GPC5: variants seen among roughly 807,000 people sequenced by gnomAD.
The protein encoded by GPC5 is glypican-5.
GPC5 carries 47 observed loss-of-function variants against 53.9 expected under a neutral mutation model. The ratio of observed to expected loss-of-function variants is 0.87; its 90% CI spans 0.69 to 1.11. GPC5 has a LOEUF of 1.11. Among genes scored for constraint, GPC5 ranks in the 50% most tolerant of loss-of-function variants. GPC5 has a pLI of 0.00. For synonymous variants in GPC5, 286 were observed against 263.3 expected (o/e 1.09, Z -0.84); for missense variants, 748 against 713.1 (o/e 1.05, Z -0.56).
chr13:92,177,173 G>A (rs2042114645), intron 7 of GPC5, among the ~76,000 whole-genome samples: 2 of 152,148 alleles, frequency 1.3e-5, no homozygotes, highest in Admixed American at 1.3e-4. Flanking sequence ...AAAACCACAA[G>A]CTTTCTGGCT....
chr13:91,498,582 G>C (rs147100375), intron 2 of GPC5, among the ~76,000 whole-genome samples: 2 of 152,224 alleles, frequency 1.3e-5, no homozygotes, highest in Non-Finnish European at 1.5e-5. Flanking sequence ...TGGGGAATCT[G>C]GGAGATCATC....
At chr13:92,631,164 ATAAT>A (rs1885222432) in intron 7 of GPC5, among the ~76,000 whole-genome samples, 1 of 152,166 alleles carries the variant, frequency 6.6e-6, no homozygotes, top group South Asian at 2.1e-4. Context: ...AATCGTTGAG[ATAAT>A]TAAATGAGAA....
chr13:92,265,746 C>T (rs1047228759), intron 7 of GPC5, among the ~76,000 whole-genome samples: 1 of 152,170 alleles, frequency 6.6e-6, no homozygotes, highest in African/African-American at 2.4e-5. Context: ...TTTGTTATAG[C>T]AGCGCCCCAC....
chr13:92,471,481 T>C (rs1170688793), intron 7 of GPC5, among the ~76,000 whole-genome samples: 7 of 152,006 alleles, frequency 4.6e-5, no homozygotes, highest in Non-Finnish European at 7.4e-5. Flanking sequence ...TATTTATAGG[T>C]AAGCCATCCA....
intron 1 of GPC5, among the ~76,000 whole-genome samples, chr13:91,399,579 C>A (rs1204930145): frequency 6.6e-6 from 1 of 152,178 alleles, no homozygotes; most frequent in African/African-American, 2.4e-5. Flanking sequence ...CCGGGGATTT[C>A]GGTTTACTGC....
intron 7 of GPC5, among the ~76,000 whole-genome samples, chr13:92,262,757 A>G (rs1159860372): frequency 6.6e-6 from 1 of 152,214 alleles, no homozygotes; most frequent in East Asian, 1.9e-4. Context: ...CACACAATAT[A>G]TAACTTCAAG....
At chr13:92,243,419 G>C (rs1396629023) in intron 7 of GPC5, among the ~76,000 whole-genome samples, 1 of 152,090 alleles carries the variant, frequency 6.6e-6, no homozygotes, top group East Asian at 1.9e-4. Context: ...GAAATAACAG[G>C]ACCAATTGGG....
chr13:91,734,590 G>A (rs1278405049), intron 4 of GPC5, among the ~76,000 whole-genome samples: 3 of 151,418 alleles, frequency 2.0e-5, no homozygotes, highest in Non-Finnish European at 4.4e-5. Flanking sequence ...TGTAGGGAAT[G>A]GATGGAGGAA....
intron 5 of GPC5, among the ~76,000 whole-genome samples, chr13:91,887,420 G>A (rs2039336246): frequency 6.6e-6 from 1 of 152,150 alleles, no homozygotes; most frequent in East Asian, 1.9e-4. Context: ...AACATGTCCT[G>A]GAGACATTTT....
At chr13:92,213,907 T>G (rs1028924966) in intron 7 of GPC5, among the ~76,000 whole-genome samples, 2 of 152,228 alleles carry the variant, frequency 1.3e-5, no homozygotes, top group African/African-American at 4.8e-5. Context: ...TAACCCACTA[T>G]TGTTATTGAG....
intron 2 of GPC5, among the ~76,000 whole-genome samples, chr13:91,538,986 A>C (rs1052225929): frequency 6.6e-6 from 1 of 152,170 alleles, no homozygotes; most frequent in African/African-American, 2.4e-5. Context: ...AATCATTAAA[A>C]ATACTAACAT....
chr13:92,063,293 T>C (rs1288816945), intron 6 of GPC5, among the ~76,000 whole-genome samples: 13 of 152,130 alleles, frequency 8.5e-5, no homozygotes, highest in African/African-American at 2.9e-4. Context: ...TACATCATTA[T>C]TAATAATCAT....
chr13:92,234,372 C>T, intron 7 of GPC5, among the ~76,000 whole-genome samples: 1 of 152,142 alleles, frequency 6.6e-6, no homozygotes, highest in South Asian at 2.1e-4. Flanking sequence ...GAGATGGTAT[C>T]TCATTGTGGT....
rs1192195496 is a variant in GPC5 at position 91,961,609 on chromosome 13, CATA to C, written c.1401+53557_1401+53559del. Among the ~76,000 whole-genome samples, 17 of 152,052 alleles carry C rather than the reference CATA, an allele frequency of 1.1e-4. No individual in the cohort carries two copies. The South Asian group carries it at 3.5e-3, about 32-fold the overall frequency. On this transcript the variant is annotated intron_variant, in intron 6 of 7. Coordinates refer to ENST00000377067, the MANE Select transcript of GPC5 (RefSeq NM_004466.6). ...TAGGAATAAACAAAGGATTGTTATT[CATA>C]ATAACACAGCAGAAAACAAACTCAT...
At chr13:92,538,076 A>C (rs1881782096) in intron 7 of GPC5, among the ~76,000 whole-genome samples, 1 of 152,106 alleles carries the variant, frequency 6.6e-6, no homozygotes, top group Non-Finnish European at 1.5e-5. Context: ...TTAGAACTAC[A>C]ACTAAAGTGT....
chr13:91,521,940 A>G (rs1295397889), intron 2 of GPC5, among the ~76,000 whole-genome samples: 1 of 152,248 alleles, frequency 6.6e-6, no homozygotes, highest in Non-Finnish European at 1.5e-5. Context: ...AGAGCAGCTC[A>G]TGGAACTTAG....
chr13:91,999,174 G>A (rs1455574217), intron 6 of GPC5, among the ~76,000 whole-genome samples: 2 of 150,332 alleles, frequency 1.3e-5, no homozygotes, highest in Admixed American at 1.3e-4. Context: ...ATTTTATGAA[G>A]AATTCTATCT....
At chr13:91,848,222 C>T (rs74803630) in intron 5 of GPC5, among the ~76,000 whole-genome samples, 2,200 of 152,308 alleles carry the variant, frequency 0.014, 65 homozygotes, top group African/African-American at 0.05. Context: ...ACATAACTTG[C>T]TCTATTTTAT....
intron 2 of GPC5, among the ~76,000 whole-genome samples, chr13:91,611,596 A>G (rs1468285597): frequency 6.6e-6 from 1 of 152,164 alleles, no homozygotes; most frequent in Non-Finnish European, 1.5e-5. Context: ...ATTCCCTAGC[A>G]CTAAGCTTCT....
Sources: gnomAD v4.1 joint callset for allele counts (sites outside exome capture counted in the v4.1 genomes callset) on GRCh38, gnomAD v4.1.1 for gene constraint, MANE v1.5 for transcripts, NCBI Gene and HGNC (gene_info 2026-07-23, HGNC 2026-07-21) for gene names.